CERS3: variants seen among roughly 807,000 people sequenced by gnomAD.
CERS3 encodes LAG1 homolog, ceramide synthase 3.
A neutral mutation model predicts 50.3 loss-of-function variants in CERS3; 33 were observed. The observed-to-expected ratio is 0.66, with a 90% CI of 0.50 to 0.88. CERS3 has a LOEUF of 0.88. Among genes scored for constraint, CERS3 ranks in the 40% least tolerant of loss-of-function variants. The probability of loss-of-function intolerance (pLI) is 0.00; values close to 1 mark genes in which losing one functional copy is unlikely to be tolerated. For missense variants in CERS3, 470 were observed against 460.3 expected (o/e 1.02, Z -0.19); for synonymous variants, 176 against 155.2 (o/e 1.13, Z -0.99).
intron 10 of CERS3, among the ~76,000 whole-genome samples, chr15:100,461,987 GA>G (rs914883362): frequency 6.6e-6 from 1 of 151,966 alleles, no homozygotes; most frequent in African/African-American, 2.4e-5. Flanking sequence ...CTGGGAAAAA[GA>G]AAAAAAATTC....
At chr15:100,452,388 A>G (rs2034204390) in intron 11 of CERS3, among the ~76,000 whole-genome samples, 1 of 152,222 alleles carries the variant, frequency 6.6e-6, no homozygotes, top group Non-Finnish European at 1.5e-5. Flanking sequence ...ATGGAAAAAA[A>G]CATGCTCCAA....
rs1042577250 is a variant in CERS3, at chr15:100,435,390, A to C, written c.999+20503T>G. Reference sequence around the variant, plus strand: ...ACAGGGAGTACCAAAGAAAACTGGAATAAAAGCTTGTTTTACACTGGCTAG... The same window carrying C: ...ACAGGGAGTACCAAAGAAAACTGGACTAAAAGCTTGTTTTACACTGGCTAG... On this transcript the variant is annotated intron_variant, in intron 11 of 11. Coordinates refer to ENST00000679737, the MANE Select transcript of CERS3 (RefSeq NM_001378789.1). Among the ~76,000 whole-genome samples the C allele has an allele frequency of 2.0e-5, 3 of 152,280 alleles. No individual in the cohort carries two copies. In the East Asian group the frequency reaches 5.8e-4, roughly 29 times the overall value.
chr15:100,518,696 T>A (rs1348375065), intron 2 of CERS3, among the ~76,000 whole-genome samples: 1 of 152,212 alleles, frequency 6.6e-6, no homozygotes, highest in Non-Finnish European at 1.5e-5. Context: ...TACACAGGAT[T>A]TCCTAGCTCG....
intron 11 of CERS3, among the ~76,000 whole-genome samples, chr15:100,447,154 G>A (rs979329780): frequency 1.3e-5 from 2 of 152,108 alleles, no homozygotes; most frequent in South Asian, 2.1e-4. Context: ...TAACAGTCTG[G>A]CACCTTTTAA....
chr15:100,429,953 A>T (rs892873708), intron 11 of CERS3, among the ~76,000 whole-genome samples: 3 of 150,908 alleles, frequency 2.0e-5, no homozygotes, highest in African/African-American at 7.3e-5. Context: ...TTATATATTT[A>T]TATATATATA....
chr15:100,483,072 T>C (rs1244898199), intron 5 of CERS3, among the ~76,000 whole-genome samples: 1 of 152,266 alleles, frequency 6.6e-6, no homozygotes, highest in Non-Finnish European at 1.5e-5. Context: ...TTTGCTTTAC[T>C]TGAAAATACT....
intron 10 of CERS3, among the ~76,000 whole-genome samples, chr15:100,467,831 ATACGTG>A (rs1352790783): frequency 1.1e-4 from 11 of 98,210 alleles, no homozygotes; most frequent in African/African-American, 3.6e-4. Context: ...GTGTATATAT[ATACGTG>A]TATATATATA....
chr15:100,509,050 G>C (rs1314356001), intron 2 of CERS3, among the ~76,000 whole-genome samples: 2 of 152,134 alleles, frequency 1.3e-5, no homozygotes, highest in Non-Finnish European at 2.9e-5. Flanking sequence ...TGTGTTTTTT[G>C]CTAATACTAT....
intron 11 of CERS3, among the ~76,000 whole-genome samples, chr15:100,420,178 C>A (rs373939825): frequency 6.9e-6 from 1 of 145,858 alleles, no homozygotes; most frequent in African/African-American, 2.5e-5. Flanking sequence ...ATTGATAGAC[C>A]GCTAGCAAGA....
chr15:100,455,986 G>C lies in CERS3; in HGVS notation c.906C>G (p.Ile302Met), dbSNP rs2034359033. ...MYHLEPFFSY[I>M]FLNLQLMILQ... ...AGATCATGAGCTGTAGGTTGAGGAA[G>C]ATGTATGAAAAGAAAGGCTCGAGGT... Residue 302 changes from isoleucine (I) to methionine (M), a missense_variant, in exon 11 of 12, where the codon ATC becomes ATG. Physicochemically the swap from Ile to Met is conservative, Grantham distance 10 (BLOSUM62 1). Coordinates refer to ENST00000679737, the MANE Select transcript of CERS3 (RefSeq NM_001378789.1). 1.2e-6 allele frequency: 2 copies of C among 1,613,224 alleles called. No individual in the cohort carries two copies. Among genetic ancestry groups the C allele is most frequent in the South Asian group, 2.2e-5 (2 of 91,018 alleles).
intron 11 of CERS3, among the ~76,000 whole-genome samples, chr15:100,414,531 C>T (rs1274966855): frequency 6.6e-6 from 1 of 152,092 alleles, no homozygotes; most frequent in African/African-American, 2.4e-5. Flanking sequence ...TCAAGTTATA[C>T]TACAAGGCTA....
intron 2 of CERS3, among the ~76,000 whole-genome samples, chr15:100,502,267 A>AAAAAAAAAAG (rs2036033219): frequency 2.5e-4 from 27 of 109,256 alleles, no homozygotes; most frequent in Non-Finnish European, 3.6e-4. Context: ...AAAAAAAAAA[A>AAAAAAAAAAG]AAAGAAAGAA....
In CERS3 at chr15:100,417,446, G is replaced by A. The variant is rs539320288; in HGVS notation, c.1000-14581C>T. 1.4e-3 allele frequency among the ~76,000 whole-genome samples: 207 copies of A among 152,120 alleles called. 7 individuals carry two copies. The highest frequency in any genetic ancestry group is 3.0e-3 in the African/African-American group (126 of 41,406). The stretch of plus-strand genomic sequence containing the variant: ...TGAGGGTCCTACCCCACGGAGTCTC[G>A]CTGATTGCTAGCACAGCAGTCTGAG... On this transcript the variant is annotated intron_variant, in intron 11 of 11. Coordinates refer to ENST00000679737, the MANE Select transcript of CERS3 (RefSeq NM_001378789.1).
intron 11 of CERS3, among the ~76,000 whole-genome samples, chr15:100,441,035 T>C (rs1567616862): frequency 6.6e-6 from 1 of 152,210 alleles, no homozygotes; most frequent in Non-Finnish European, 1.5e-5. Context: ...CACGCAGGGA[T>C]GCCTGCCTTG....
intron 10 of CERS3, among the ~76,000 whole-genome samples, chr15:100,468,180 G>A (rs2034846203): frequency 1.3e-5 from 2 of 152,036 alleles, no homozygotes; most frequent in South Asian, 4.1e-4. Context: ...AATTATAGTA[G>A]GTAGTATTTA....
chr15:100,467,989 T>A (rs2034840573), intron 10 of CERS3, among the ~76,000 whole-genome samples: 1 of 151,614 alleles, frequency 6.6e-6, no homozygotes, highest in African/African-American at 2.4e-5. Context: ...GGCTCCTGAG[T>A]AGCTGGGACT....
At chr15:100,467,830 TATAC>T (rs1258383710) in intron 10 of CERS3, among the ~76,000 whole-genome samples, 7 of 97,048 alleles carry the variant, frequency 7.2e-5, no homozygotes, top group Middle Eastern at 4.2e-3. Flanking sequence ...TGTGTATATA[TATAC>T]GTGTATATAT....
chr15:100,481,311 T>C (rs2035292795), intron 5 of CERS3, among the ~76,000 whole-genome samples: 4 of 152,228 alleles, frequency 2.6e-5, no homozygotes, highest in Admixed American at 6.5e-5. Context: ...TCTTCATGGC[T>C]TGTTTTGATA....
At chr15:100,498,939 G>A (rs914009934) in intron 3 of CERS3, among the ~76,000 whole-genome samples, 2 of 152,188 alleles carry the variant, frequency 1.3e-5, no homozygotes, top group African/African-American at 4.8e-5. Context: ...GTAGATCTCA[G>A]ATGAAAAAGT....
Sources: gnomAD v4.1 joint callset for allele counts (sites outside exome capture counted in the v4.1 genomes callset) on GRCh38, gnomAD v4.1.1 for gene constraint, MANE v1.5 for transcripts, NCBI Gene and HGNC (gene_info 2026-07-23, HGNC 2026-07-21) for gene names.